ADAMTSL1: variants seen among roughly 807,000 people sequenced by gnomAD.
ADAMTSL1 encodes ADAMTS like 1.
Under a neutral mutation model 201.8 loss-of-function variants are expected in ADAMTSL1, and 126 were observed. That is an observed-to-expected ratio of 0.62 (90% CI 0.54 to 0.72). The LOEUF is 0.72. Ranked by LOEUF, ADAMTSL1 falls within the 30% of genes least tolerant of loss-of-function variation. The pLI is 0.00. For missense variants in ADAMTSL1, 2,679 were observed against 2,277.8 expected (o/e 1.18, Z -3.59); for synonymous variants, 1,121 against 903.4 (o/e 1.24, Z -4.32).
intron 1 of ADAMTSL1, among the ~76,000 whole-genome samples, chr9:18,151,283 C>T (rs1239489812): frequency 6.6e-6 from 1 of 152,012 alleles, no homozygotes; most frequent in Non-Finnish European, 1.5e-5. Context: ...AATGTCACCA[C>T]CAATTGCTGA....
At chr9:18,811,331 C>G (rs1321991424) in intron 20 of ADAMTSL1, among the ~76,000 whole-genome samples, 1 of 152,312 alleles carries the variant, frequency 6.6e-6, no homozygotes, top group Middle Eastern at 3.4e-3. Flanking sequence ...CCTGGAGTTC[C>G]ACCTTCACCC....
At chr9:18,149,525 A>T (rs1333529471) in intron 1 of ADAMTSL1, among the ~76,000 whole-genome samples, 1 of 152,030 alleles carries the variant, frequency 6.6e-6, no homozygotes, top group African/African-American at 2.4e-5. Context: ...GGAGCACAAC[A>T]TCACATCACC....
chr9:18,275,476 C>A (rs57263167), intron 2 of ADAMTSL1, among the ~76,000 whole-genome samples: 4,848 of 152,178 alleles, frequency 0.032, 136 homozygotes, highest in African/African-American at 0.077. Flanking sequence ...TTCATCAGCA[C>A]AAAAAGTTCT....
At chr9:18,189,403 A>G (rs1828876753) in intron 2 of ADAMTSL1, among the ~76,000 whole-genome samples, 1 of 152,152 alleles carries the variant, frequency 6.6e-6, no homozygotes, top group Non-Finnish European at 1.5e-5. Flanking sequence ...AGCTGGTTCT[A>G]TAGAAGGCTA....
At chr9:17,969,636 T>A (rs936074361) in intron 1 of ADAMTSL1, among the ~76,000 whole-genome samples, 1 of 152,066 alleles carries the variant, frequency 6.6e-6, no homozygotes, top group Non-Finnish European at 1.5e-5. Flanking sequence ...GAAGAAATAT[T>A]TGAGCAGTAT....
At chr9:18,516,625 G>A (rs1406041350) in intron 2 of ADAMTSL1, among the ~76,000 whole-genome samples, 3 of 152,114 alleles carry the variant, frequency 2.0e-5, no homozygotes, top group African/African-American at 7.2e-5. Flanking sequence ...TTGAATATTG[G>A]CACCACTGTT....
chr9:18,428,750 A>G (rs1563955023), intron 2 of ADAMTSL1, among the ~76,000 whole-genome samples: 1 of 152,240 alleles, frequency 6.6e-6, no homozygotes, highest in East Asian at 1.9e-4. Context: ...GTATTTCTTT[A>G]ATGTGCATAA....
intron 2 of ADAMTSL1, among the ~76,000 whole-genome samples, chr9:18,384,721 C>G (rs1251134816): frequency 2.8e-4 from 42 of 152,136 alleles, no homozygotes; most frequent in Admixed American, 2.8e-3. Flanking sequence ...ATTCCTTTTA[C>G]CAGTGCTCCC....
At chr9:18,898,309 T>A (rs1380888612) in intron 26 of ADAMTSL1, among the ~76,000 whole-genome samples, 3 of 152,078 alleles carry the variant, frequency 2.0e-5, no homozygotes, top group Non-Finnish European at 4.4e-5. Context: ...AATAGCCAGT[T>A]TAGAGGAGGA....
At chr9:18,174,606 A>T (rs1257196325) in intron 2 of ADAMTSL1, among the ~76,000 whole-genome samples, 1 of 152,202 alleles carries the variant, frequency 6.6e-6, no homozygotes, top group South Asian at 2.1e-4. Flanking sequence ...ATGGATACAC[A>T]TGACTTTTTT....
At chr9:18,338,933 G>T (rs1452880386) in intron 2 of ADAMTSL1, among the ~76,000 whole-genome samples, 1 of 152,154 alleles carries the variant, frequency 6.6e-6, no homozygotes, top group Non-Finnish European at 1.5e-5. Context: ...ATCCAACCAT[G>T]TTGCTGCAAA....
Position 18,314,782 on chromosome 9 carries a change from CTTTTTTTTTTTTTTTT to C in ADAMTSL1, c.207+150818_207+150833del, listed in dbSNP as rs776046209. Among the ~76,000 whole-genome samples the C allele has an allele frequency of 3.0e-4, 15 of 49,852 alleles. 1 individual carries two copies. Among genetic ancestry groups the C allele is most frequent in the South Asian group, 1.1e-3 (1 of 914 alleles). 32.7% of individuals were successfully genotyped at this position (49,852 alleles called of 152,430 possible). ...TGCCACTGCTGCCTTCGGCAGCGTG[CTTTTTTTTTTTTTTTT>C]TTTTTTTTTTTTTTTTGAGACGGAG... On this transcript the variant is annotated intron_variant, in intron 2 of 29. Coordinates refer to the ADAMTSL1 transcript ENST00000680146.
intron 8 of ADAMTSL1, among the ~76,000 whole-genome samples, chr9:18,658,286 T>C (rs145158540): frequency 3.9e-5 from 6 of 152,338 alleles, no homozygotes; most frequent in Non-Finnish European, 5.9e-5. Context: ...GGAAACAGTC[T>C]TTACTTCTCT....
chr9:18,180,933 C>G (rs141522238), intron 2 of ADAMTSL1, among the ~76,000 whole-genome samples: 104 of 152,280 alleles, frequency 6.8e-4, no homozygotes, highest in African/African-American at 2.4e-3. Flanking sequence ...GGTACCAAAA[C>G]AGCGATATTG....
chr9:18,325,421 T>C (rs1054591290), intron 2 of ADAMTSL1, among the ~76,000 whole-genome samples: 1 of 152,190 alleles, frequency 6.6e-6, no homozygotes, highest in Non-Finnish European at 1.5e-5. Context: ...TAAAAATAAC[T>C]ATCATTACAT....
intron 19 of ADAMTSL1, among the ~76,000 whole-genome samples, chr9:18,790,080 G>T (rs536140501): frequency 6.6e-6 from 1 of 152,054 alleles, no homozygotes; most frequent in Non-Finnish European, 1.5e-5. Flanking sequence ...GGTTACTTAG[G>T]TTATGTGTAC....
intron 1 of ADAMTSL1, among the ~76,000 whole-genome samples, chr9:17,919,066 A>G (rs1380157049): frequency 6.6e-6 from 1 of 151,592 alleles, no homozygotes; most frequent in Admixed American, 6.6e-5. Context: ...CTTTAATGTG[A>G]TCTCCTGACT....
intron 14 of ADAMTSL1, among the ~76,000 whole-genome samples, chr9:18,710,355 C>T (rs900188427): frequency 6.6e-6 from 1 of 152,192 alleles, no homozygotes; most frequent in Non-Finnish European, 1.5e-5. Flanking sequence ...TTTCACCCAC[C>T]ACACTGGGCT....
At chr9:18,023,644 T>C (rs1407753538) in intron 1 of ADAMTSL1, among the ~76,000 whole-genome samples, 2 of 152,172 alleles carry the variant, frequency 1.3e-5, no homozygotes, top group African/African-American at 4.8e-5. Context: ...AGTAATATTA[T>C]AACATTTCCC....
Sources: allele counts gnomAD v4.1 joint callset (sites outside exome capture counted in the v4.1 genomes callset), GRCh38; gene constraint gnomAD v4.1.1; transcripts MANE v1.5; gene names NCBI Gene and HGNC (gene_info 2026-07-23, HGNC 2026-07-21).